The following COX7B2 variants were observed in gnomAD, a reference collection of about 807,000 sequenced individuals.
COX7B2 encodes cytochrome c oxidase subunit 7B2, mitochondrial.
For missense variants in COX7B2, 109 were observed against 95.9 expected (o/e 1.14, Z -0.57); for synonymous variants, 37 against 32.1 (o/e 1.15, Z -0.51).
intron 1 of COX7B2, among the ~76,000 whole-genome samples, chr4:46,865,119 C>G (rs1028692167): frequency 3.9e-5 from 6 of 152,122 alleles, no homozygotes; most frequent in Non-Finnish European, 1.5e-5. Flanking sequence ...TACTCTCCCC[C>G]TTCTGAGTAT....
intron 2 of COX7B2, among the ~76,000 whole-genome samples, chr4:46,755,308 T>A (rs1351433784): frequency 6.6e-6 from 1 of 152,018 alleles, no homozygotes; most frequent in Non-Finnish European, 1.5e-5. Flanking sequence ...ATAAAGGCCA[T>A]ATATGACAAA....
intron 2 of COX7B2, among the ~76,000 whole-genome samples, chr4:46,843,816 C>G (rs892139563): frequency 6.6e-6 from 1 of 151,902 alleles, no homozygotes; most frequent in African/African-American, 2.4e-5. Context: ...ATTATGTGTA[C>G]TTTCACTTTG....
rs576340768 is a variant in COX7B2, at chr4:46,899,881, T to G, written c.-105+9279A>C. ...TGTTAACAGGTTTATGAAGCACAAA[T>G]GACAAAAAGTCATGTACTGGATATG... On this transcript the variant is annotated intron_variant, in intron 1 of 2. Coordinates refer to ENST00000355591, the MANE Select transcript of COX7B2 (RefSeq NM_130902.3). 2.0e-5 allele frequency among the ~76,000 whole-genome samples: 3 copies of G among 152,190 alleles called. No homozygotes were observed. In the South Asian group the frequency reaches 6.2e-4, roughly 32 times the overall value.
At chr4:46,853,796 T>C (rs1014742995) in intron 1 of COX7B2, among the ~76,000 whole-genome samples, 3 of 152,126 alleles carry the variant, frequency 2.0e-5, no homozygotes, top group Non-Finnish European at 2.9e-5. Flanking sequence ...AGAATTGTGA[T>C]TAGTGCTATC....
At chr4:46,738,307 G>T (rs538807286) in intron 2 of COX7B2, among the ~76,000 whole-genome samples, 12 of 152,128 alleles carry the variant, frequency 7.9e-5, no homozygotes, top group African/African-American at 2.9e-4. Context: ...TTTCTTAGAA[G>T]CTTAGTTCAT....
At chr4:46,867,252 T>C (rs1208789179) in intron 1 of COX7B2, among the ~76,000 whole-genome samples, 7 of 152,180 alleles carry the variant, frequency 4.6e-5, no homozygotes, top group Non-Finnish European at 1.0e-4. Flanking sequence ...CAGGAAGCAG[T>C]TACAGAAGAT....
At chr4:46,855,241 G>A (rs1490836125) in intron 1 of COX7B2, among the ~76,000 whole-genome samples, 4 of 151,988 alleles carry the variant, frequency 2.6e-5, no homozygotes, top group Admixed American at 1.3e-4. Context: ...GCAGGAAATC[G>A]CTTGAACCCA....
chr4:46,857,262 T>C (rs571007977), intron 1 of COX7B2, among the ~76,000 whole-genome samples: 7 of 152,360 alleles, frequency 4.6e-5, no homozygotes, highest in African/African-American at 1.7e-4. Flanking sequence ...ACTTACCCTA[T>C]CTGGCTCTTG....
chr4:46,827,663 G>C (rs1287204506), intron 2 of COX7B2, among the ~76,000 whole-genome samples: 1 of 152,068 alleles, frequency 6.6e-6, no homozygotes, highest in Admixed American at 6.6e-5. Context: ...AAGTTGAAAG[G>C]ACTGAAAAAA....
chr4:46,883,439 A>G (rs1200487244), intron 1 of COX7B2, among the ~76,000 whole-genome samples: 1 of 151,924 alleles, frequency 6.6e-6, no homozygotes, highest in African/African-American at 2.4e-5. Context: ...TCAACTCAGT[A>G]TTAAATATTT....
intron 2 of COX7B2, among the ~76,000 whole-genome samples, chr4:46,753,548 A>G (rs1456180040): frequency 1.3e-5 from 2 of 151,818 alleles, no homozygotes; most frequent in Non-Finnish European, 1.5e-5. Flanking sequence ...CTTACACCTT[A>G]TACAAAAATT....
chr4:46,872,293 A>G (rs1718041071), intron 1 of COX7B2, among the ~76,000 whole-genome samples: 1 of 152,128 alleles, frequency 6.6e-6, no homozygotes, highest in South Asian at 2.1e-4. Flanking sequence ...AATACAATGA[A>G]GGAAACAACA....
chr4:46,905,991 G>A (rs908049854), intron 1 of COX7B2, among the ~76,000 whole-genome samples: 1 of 150,344 alleles, frequency 6.7e-6, no homozygotes, highest in Non-Finnish European at 1.5e-5. Context: ...CACCGCGCCC[G>A]GCTAATTTTT....
chr4:46,793,182 G>A (rs1045376143), intron 2 of COX7B2, among the ~76,000 whole-genome samples: 1 of 152,156 alleles, frequency 6.6e-6, no homozygotes, highest in African/African-American at 2.4e-5. Flanking sequence ...CCTGTTTACG[G>A]GAGAAGTTTT....
intron 2 of COX7B2, among the ~76,000 whole-genome samples, chr4:46,776,393 AGTGTGTGTGTGTGTGTGT>A (rs34113475): frequency 1.4e-5 from 2 of 146,634 alleles, no homozygotes; most frequent in East Asian, 4.0e-4. Context: ...GTAGTTTCAG[AGTGTGTGTGTGTGTGTGT>A]GTGTGTGTGT....
chr4:46,816,032 T>C (rs543807357), intron 2 of COX7B2, among the ~76,000 whole-genome samples: 1 of 152,292 alleles, frequency 6.6e-6, no homozygotes, highest in African/African-American at 2.4e-5. Context: ...TAGGCCCTCC[T>C]TATATCCTCA....
chr4:46,875,454 T>G (rs182296659), intron 1 of COX7B2, among the ~76,000 whole-genome samples: 1 of 152,292 alleles, frequency 6.6e-6, no homozygotes, highest in Non-Finnish European at 1.5e-5. Context: ...AGCTCAATTC[T>G]GAACAATTTC....
At chr4:46,883,203 A>G (rs1029524322) in intron 1 of COX7B2, among the ~76,000 whole-genome samples, 1 of 152,236 alleles carries the variant, frequency 6.6e-6, no homozygotes, top group Non-Finnish European at 1.5e-5. Flanking sequence ...TAATTCTGGA[A>G]GGAAATGTTT....
At chr4:46,834,819 C>G (rs1300132257) in intron 2 of COX7B2, among the ~76,000 whole-genome samples, 1 of 151,638 alleles carries the variant, frequency 6.6e-6, no homozygotes, top group Non-Finnish European at 1.5e-5. Context: ...AAGACAAAAA[C>G]AAAACCACAT....
Sources: allele counts gnomAD v4.1 joint callset (sites outside exome capture counted in the v4.1 genomes callset), GRCh38; gene constraint gnomAD v4.1.1; transcripts MANE v1.5; gene names NCBI Gene and HGNC (gene_info 2026-07-23, HGNC 2026-07-21).